RIF1: variants seen among roughly 807,000 people sequenced by gnomAD.
RIF1 encodes the protein telomere-associated protein RIF1.
Under a neutral mutation model 247.1 loss-of-function variants are expected in RIF1, and 45 were observed. The observed-to-expected ratio is 0.18, with a 90% confidence interval of 0.14 to 0.23. The LOEUF (loss-of-function observed/expected upper bound fraction) is 0.23. Ranked by LOEUF, RIF1 falls within the 10% of genes least tolerant of loss-of-function variation. The pLI, the probability that RIF1 is intolerant of heterozygous loss-of-function variation, is 1.00. For synonymous variants in RIF1, 1,087 were observed against 978.8 expected, an observed-to-expected ratio of 1.11 and a Z score of -2.06; for missense variants, 2,967 against 2,862.5, an observed-to-expected ratio of 1.04 and a Z score of -0.83.
intron 30 of RIF1, among the ~76,000 whole-genome samples, chr2:151,467,589 C>T (rs915342101): frequency 3.3e-5 from 5 of 152,116 alleles, no homozygotes; most frequent in African/African-American, 9.7e-5. Flanking sequence ...GAGATCCACC[C>T]GCCTTGGCCT....
In RIF1 at chr2:151,420,352, A is replaced by G. The variant is rs148830532; in HGVS notation, c.666A>G (p.Ala222=). 7 of 1,614,168 alleles carry G rather than the reference A, an allele frequency of 4.3e-6. No homozygotes were observed. Among genetic ancestry groups the G allele is most frequent in the Non-Finnish European group, 5.9e-6 (7 of 1,180,024 alleles). Residue 222 remains alanine, a synonymous_variant, in exon 7 of 36, where the codon GCA becomes GCG. Transcript: ENST00000444746. ...PLLLQKQQEI[A]SITEQLMTTK... The stretch of plus-strand genomic sequence containing the variant: ...TGCTTCAGAAACAGCAAGAAATAGC[A>G]TCTATTACGGAGCAGCTTATGACTA...
At chr2:151,515,815 C>T in the RIF1 span, among the ~76,000 whole-genome samples, 2 of 152,184 alleles carry the variant, frequency 1.3e-5, no homozygotes, top group Non-Finnish European at 2.9e-5. Context: ...CATTCTATCA[C>T]CAGAAAGCTC....
In RIF1 at chr2:151,478,245, T is replaced by C. The variant is rs924966502; in HGVS notation, c.*3174T>C. On this transcript the variant is annotated 3_prime_UTR_variant, in exon 36 of 36. Coordinates refer to ENST00000444746, the MANE Select transcript of RIF1 (RefSeq NM_018151.5). The stretch of plus-strand genomic sequence containing the variant: ...TAAACCCGCACATTAAAAGCATGAC[T>C]GAAGGCCCGGCAGGTGGATCACTTT... The C allele has an allele frequency of 6.6e-6, 1 of 152,168 alleles. No individual in the cohort carries two copies. Among genetic ancestry groups the C allele is most frequent in the African/African-American group, 2.4e-5 (1 of 41,440 alleles). The allele number at this position is 152,168 out of a possible 1,614,324, so 9.4% of individuals were successfully genotyped here.
chr2:151,471,303 C>T (rs750593538), intron 34 of RIF1, among the ~76,000 whole-genome samples: 5 of 152,182 alleles, frequency 3.3e-5, no homozygotes, highest in Non-Finnish European at 7.4e-5. Context: ...CAAAAATTTT[C>T]TCCCATTCTG....
At chr2:151,462,063 G>C (rs949800107) in intron 27 of RIF1, among the ~76,000 whole-genome samples, 179 bp from the exon 28 acceptor site, 29 of 151,982 alleles carry the variant, frequency 1.9e-4, no homozygotes, top group African/African-American at 6.8e-4. Flanking sequence ...TGTAGAGATA[G>C]GATTTTGCCA....
Position 151,475,718 on chromosome 2 carries a change from AATTT to A in RIF1, c.*651_*654del, listed in dbSNP as rs1285948624. The stretch of plus-strand genomic sequence containing the variant: ...ATTCATGCAGCAGCAGTTGACTGAA[AATTT>A]ATTCTTATGAGACGTATAGTATTCA... On this transcript the variant is annotated 3_prime_UTR_variant, in exon 36 of 36. Coordinates refer to ENST00000444746, the MANE Select transcript of RIF1 (RefSeq NM_018151.5). 2 of 153,444 alleles carry A rather than the reference AATTT, an allele frequency of 1.3e-5. No homozygotes were observed. The highest frequency in any genetic ancestry group is 4.8e-5 in the African/African-American group (2 of 41,448). The allele number at this position is 153,444 out of a possible 1,614,324, so 9.5% of individuals were successfully genotyped here.
intron 22 of RIF1, among the ~76,000 whole-genome samples, 200 bp from the exon 23 acceptor site, chr2:151,456,378 A>AT (rs1244405866): frequency 6.6e-6 from 1 of 152,194 alleles, no homozygotes; most frequent in Non-Finnish European, 1.5e-5. Context: ...ATTTTCTGTG[A>AT]TTCATTTTTC....
chr2:151,492,045 C>G lies in RIF1; in HGVS notation c.*416-3184C>G, dbSNP rs766817634. 251 of 1,560,552 alleles carry G rather than the reference C, an allele frequency of 1.6e-4. 2 individuals are homozygous for G. The highest frequency in any genetic ancestry group is 7.1e-4 in the Admixed American group (42 of 59,396). On this transcript the variant is annotated intron_variant and NMD_transcript_variant, in intron 9 of 13. Coordinates refer to the RIF1 transcript ENST00000454583. Reference sequence around the variant, plus strand: ...TGATGTAGGTAATGCTACTTTTGTTCTTCTACCCCCTCACTTAAAGTTAAT... The same window carrying G: ...TGATGTAGGTAATGCTACTTTTGTTGTTCTACCCCCTCACTTAAAGTTAAT...
the RIF1 span, chr2:151,514,950 G>T: frequency 6.9e-7 from 1 of 1,447,154 alleles, no homozygotes; most frequent in Non-Finnish European, 9.4e-7. Context: ...AGGAAGGAAA[G>T]ACAAGTTAAA....
intron 11 of RIF1, among the ~76,000 whole-genome samples, chr2:151,435,925 A>G (rs918289739): frequency 6.6e-6 from 1 of 152,112 alleles, no homozygotes; most frequent in Non-Finnish European, 1.5e-5. Flanking sequence ...TCTTAGCGCT[A>G]TTAAAAACAA....
chr2:151,487,491 C>A (rs1461131242), intron 9 of RIF1, among the ~76,000 whole-genome samples: 1 of 152,088 alleles, frequency 6.6e-6, no homozygotes, highest in Non-Finnish European at 1.5e-5. Context: ...GTGATTTGTT[C>A]TTTCCATTTA....
chr2:151,532,048 T>G, the RIF1 span: 19 of 594,150 alleles, frequency 3.2e-5, no homozygotes, highest in Non-Finnish European at 2.4e-5. Flanking sequence ...TTGTGTCTGA[T>G]AGCAAAAGTG....
chr2:151,515,679 A>G, the RIF1 span, among the ~76,000 whole-genome samples: 10 of 152,162 alleles, frequency 6.6e-5, no homozygotes, highest in African/African-American at 2.4e-4. Flanking sequence ...TACTTTTGTA[A>G]TTTTGTTATT....
rs116443402 is a variant in RIF1, at chr2:151,461,155, G to A, written c.3093G>A (p.Ser1031=). The change falls in exon 27 of 36, where the codon TCG becomes TCA. Residue 1031 remains serine, a synonymous_variant. Transcript: ENST00000444746. The part of the protein sequence containing the change: ...KPAAKLKLES[S]SLKVKGEILL... Reference sequence around the variant, plus strand: ...ATCTGCAGCTGAAACTTGAATCTTCGTCTTTAAAAGTAAAGGGTGAAATTC... The same window carrying A: ...ATCTGCAGCTGAAACTTGAATCTTCATCTTTAAAAGTAAAGGGTGAAATTC... 0.031 allele frequency: 49,889 copies of A among 1,607,964 alleles called. 1,599 individuals are homozygous for A. Among genetic ancestry groups the A allele is most frequent in the East Asian group, 0.14 (6,099 of 44,736 alleles).
chr2:151,410,065 C>G (rs1313968288), intron 1 of RIF1, 32 bp downstream of exon 1: 1 of 702,576 alleles, frequency 1.4e-6, no homozygotes, highest in African/African-American at 1.7e-5. Flanking sequence ...CAGTGGTAGG[C>G]CGCGGGGAAC....
chr2:151,414,943 A>G (rs756445782), intron 4 of RIF1, 24 bp downstream of exon 4: 3 of 1,396,188 alleles, frequency 2.1e-6, no homozygotes, highest in South Asian at 1.2e-5. Context: ...TTATGACTTA[A>G]TATTTTTAGA....
At chr2:151,488,689 A>G (rs766015153) in intron 9 of RIF1, among the ~76,000 whole-genome samples, 2 of 152,078 alleles carry the variant, frequency 1.3e-5, no homozygotes, top group Non-Finnish European at 2.9e-5. Flanking sequence ...TTGTACTTCT[A>G]CAATTTTGTA....
the RIF1 span, chr2:151,513,723 G>T: frequency 7.0e-7 from 1 of 1,423,894 alleles, no homozygotes; most frequent in South Asian, 1.2e-5. Context: ...AAAAAAAAAG[G>T]TACCTAAATG....
chr2:151,499,422 C>A, exon 11 of RIF1: 1 of 1,287,344 alleles, frequency 7.8e-7, no homozygotes, highest in Non-Finnish European at 1.1e-6. Context: ...CCAGAAAAAA[C>A]AAGAGCAGTC....
Sources: allele counts gnomAD v4.1 joint callset (sites outside exome capture counted in the v4.1 genomes callset), GRCh38; gene constraint gnomAD v4.1.1; transcripts MANE v1.5; gene names NCBI Gene and HGNC (gene_info 2026-07-23, HGNC 2026-07-21).